The following RELN variants were observed in gnomAD, a reference collection of about 807,000 sequenced individuals.
RELN encodes reelin.
Under a neutral mutation model 427.6 loss-of-function variants are expected in RELN, and 108 were observed. That is an observed-to-expected ratio of 0.25 (90% CI 0.22 to 0.30). The LOEUF (loss-of-function observed/expected upper bound fraction) is 0.30, where lower values mean the gene tolerates loss of function less well. RELN is among the 10% of genes least tolerant of loss of function. The pLI is 1.00. For missense variants in RELN, 3,715 were observed against 4,302.8 expected (o/e 0.86, Z 3.82); for synonymous variants, 1,524 against 1,513.4 (o/e 1.01, Z -0.16).
intron 11 of RELN, among the ~76,000 whole-genome samples, chr7:103,674,328 A>G (rs1833463057): frequency 1.3e-5 from 2 of 152,208 alleles, no homozygotes; most frequent in Middle Eastern, 3.4e-3. Context: ...TTGTTATACA[A>G]TCTCTGTTGG....
intron 6 of RELN, among the ~76,000 whole-genome samples, chr7:103,748,614 TA>T (rs1790914374): frequency 6.6e-6 from 1 of 152,220 alleles, no homozygotes; most frequent in Admixed American, 6.5e-5. Context: ...TGATTATTGC[TA>T]AATATTTGTT....
chr7:103,607,579 T>G (rs932247588), intron 22 of RELN, among the ~76,000 whole-genome samples: 1 of 152,242 alleles, frequency 6.6e-6, no homozygotes, highest in Non-Finnish European at 1.5e-5. Flanking sequence ...GAAATGAAGT[T>G]GACTTGCATT....
chr7:103,723,784 A>G (rs1790135487), intron 7 of RELN, among the ~76,000 whole-genome samples: 1 of 152,180 alleles, frequency 6.6e-6, no homozygotes. Flanking sequence ...ACTTTAAAGA[A>G]GGTAGAATCT....
Position 103,603,352 on chromosome 7 carries a change from T to C in RELN, c.3285A>G (p.Glu1095=), listed in dbSNP as rs1831723928. Residue 1095 remains glutamate (E), a synonymous_variant, in exon 24 of 65, where the codon GAA becomes GAG. Coordinates refer to ENST00000428762, the MANE Select transcript of RELN (RefSeq NM_005045.4). This position sits in a 1 kb window ranked among gnomAD's most constrained non-coding sequence, Gnocchi z 4.3. ...EVIGGEIVKP[E]QGCGVISSGS... ...CAGAAGAGATGACACCACACCCTTG[T>C]TCTGGTTTTACAATTTCTCCCCCAA... 3.1e-6 allele frequency: 5 copies of C among 1,613,900 alleles called. No individual in the cohort carries two copies. Among genetic ancestry groups the C allele is most frequent in the South Asian group, 1.1e-5 (1 of 91,082 alleles).
At chr7:103,520,128 C>G (rs868249933) in intron 48 of RELN, among the ~76,000 whole-genome samples, 1 of 151,772 alleles carries the variant, frequency 6.6e-6, no homozygotes, top group Non-Finnish European at 1.5e-5. Context: ...TTCCAAGTTG[C>G]CTTGGCTGTT....
In RELN at chr7:103,495,763, C is replaced by T. The variant is rs368572382; in HGVS notation, c.9329G>A (p.Arg3110Gln). 264 of 1,613,942 alleles carry T rather than the reference C, an allele frequency of 1.6e-4. No individual in the cohort carries two copies. The highest frequency in any genetic ancestry group is 2.0e-4 in the Non-Finnish European group (238 of 1,179,976). ...KDKTHNALSS[R>Q]ELIIQPGYMM... is the part of the protein sequence containing the mutation. ...GTATCCTGGCTGTATAATGAGTTCT[C>T]GGGAGGAGAGAGCATTGTGAGTCTT... The change falls in exon 57 of 65, where the codon CGA (arginine) becomes CAA (glutamine). Residue 3110 changes from arginine to glutamine, a missense_variant. Transcript: ENST00000428762.
At chr7:103,933,442 GCC>G (rs1563098899) in intron 1 of RELN, among the ~76,000 whole-genome samples, 3 of 137,048 alleles carry the variant, frequency 2.2e-5, no homozygotes, top group Non-Finnish European at 3.1e-5. Context: ...TGCCTGTAAT[GCC>G]AGCACTTTGG....
At chr7:103,649,145 T>C (rs1832859077) in intron 16 of RELN, among the ~76,000 whole-genome samples, 2 of 152,066 alleles carry the variant, frequency 1.3e-5, no homozygotes, top group African/African-American at 4.8e-5. Context: ...TGTATGTTTA[T>C]TGCAGCACTG....
chr7:103,984,118 A>G (rs1166487924), intron 1 of RELN, among the ~76,000 whole-genome samples: 1 of 151,780 alleles, frequency 6.6e-6, no homozygotes, highest in African/African-American at 2.4e-5. Flanking sequence ...TAAGGCTTCT[A>G]GTTTATTCTA....
At chr7:103,958,791 A>G (rs1404000173) in intron 1 of RELN, among the ~76,000 whole-genome samples, 1 of 152,100 alleles carries the variant, frequency 6.6e-6, no homozygotes, top group Non-Finnish European at 1.5e-5. Context: ...AAAAAAAATC[A>G]GAAACATTAG....
intron 49 of RELN, among the ~76,000 whole-genome samples, chr7:103,518,563 T>TG (rs1200812841): frequency 6.7e-6 from 1 of 148,222 alleles, no homozygotes; most frequent in Non-Finnish European, 1.5e-5. Flanking sequence ...CTTGAACTCC[T>TG]GGCTTCAAGT....
At position 103,740,202 on chromosome 7, in the gene RELN, G is replaced by A. The variant is rs114430686; in HGVS notation, c.656+9224C>T. Among the ~76,000 whole-genome samples the A allele has an allele frequency of 2.6e-3, 392 of 152,334 alleles. 1 individual carries two copies. The highest frequency in any genetic ancestry group is 9.2e-3 in the African/African-American group (383 of 41,568). On this transcript the variant is annotated intron_variant, in intron 6 of 64. Coordinates refer to ENST00000428762, the MANE Select transcript of RELN (RefSeq NM_005045.4). ...TAAGTTTCCACCAACATGGTAGGAGGAGGAGAATATAAAGAAATTAGGTTG... is the reference window on the plus strand; with the variant it reads ...TAAGTTTCCACCAACATGGTAGGAGAAGGAGAATATAAAGAAATTAGGTTG...
intron 1 of RELN, among the ~76,000 whole-genome samples, chr7:103,948,644 G>A (rs920449178): frequency 2.6e-5 from 4 of 152,102 alleles, no homozygotes; most frequent in African/African-American, 9.7e-5. Flanking sequence ...CTGGACTCTA[G>A]CCTGGCAACA....
rs114140286 is a variant in RELN, at chr7:103,672,022, A to G, written c.1289+10094T>C. On this transcript the variant is annotated intron_variant, in intron 11 of 64. Transcript: ENST00000428762. ...AAAATATTCTAAATCAGAGGTAACA[A>G]TTCATCTGGATAGGATGAATTAAAA... Among the ~76,000 whole-genome samples the G allele has an allele frequency of 2.8e-3, 432 of 152,270 alleles. 7 individuals are homozygous for G. The highest frequency in any genetic ancestry group is 9.6e-3 in the African/African-American group (401 of 41,558).
At chr7:103,556,742 C>T (rs1248739583) in intron 38 of RELN, among the ~76,000 whole-genome samples, 1 of 152,204 alleles carries the variant, frequency 6.6e-6, no homozygotes, top group Non-Finnish European at 1.5e-5. Flanking sequence ...TGAGGCCTCC[C>T]TGGCCATGTG....
chr7:103,744,580 G>T (rs1386349692), intron 6 of RELN, among the ~76,000 whole-genome samples: 16 of 152,130 alleles, frequency 1.1e-4, no homozygotes, highest in Admixed American at 9.8e-4. Context: ...CGATAAAGGG[G>T]ATATCACCAC....
At chr7:103,508,650 C>T (rs1222179922) in intron 51 of RELN, among the ~76,000 whole-genome samples, 1 of 152,136 alleles carries the variant, frequency 6.6e-6, no homozygotes, top group African/African-American at 2.4e-5. Context: ...GAAATTCTGG[C>T]CAGGGCAATC....
At chr7:103,853,577 T>G (rs1446010984) in intron 2 of RELN, among the ~76,000 whole-genome samples, 1 of 152,030 alleles carries the variant, frequency 6.6e-6, no homozygotes. Flanking sequence ...GAGAAACAAA[T>G]TTATTTTTAA....
intron 13 of RELN, among the ~76,000 whole-genome samples, chr7:103,653,825 CAAG>C (rs1832971918): frequency 6.6e-6 from 1 of 151,988 alleles, no homozygotes; most frequent in South Asian, 2.1e-4. Flanking sequence ...TTCTTGGGGA[CAAG>C]AATAACTGTC....
Sources: allele counts gnomAD v4.1 joint callset (sites outside exome capture counted in the v4.1 genomes callset), GRCh38; gene constraint gnomAD v4.1.1; non-coding constraint Gnocchi (gnomAD v3.1); transcripts MANE v1.5; gene names NCBI Gene and HGNC (gene_info 2026-07-23, HGNC 2026-07-21).